The following RORA variants were observed in gnomAD, a reference collection of about 807,000 sequenced individuals.
RORA encodes nuclear receptor ROR-alpha.
Under a neutral mutation model 69.5 loss-of-function variants are expected in RORA, and 7 were observed. The ratio of observed to expected loss-of-function variants is 0.10; its 90% CI spans 0.06 to 0.19. The LOEUF (loss-of-function observed/expected upper bound fraction) is 0.19, where lower values mean the gene tolerates loss of function less well. Ranked by LOEUF, RORA falls within the 10% of genes least tolerant of loss-of-function variation. RORA has a pLI of 1.00. For missense variants in RORA, 457 were observed against 663.0 expected, an observed-to-expected ratio of 0.69 and a Z score of 3.41; for synonymous variants, 261 against 240.8, an observed-to-expected ratio of 1.08 and a Z score of -0.78.
chr15:61,037,713 A>G (rs758587671), intron 1 of RORA, among the ~76,000 whole-genome samples: 11 of 152,158 alleles, frequency 7.2e-5, no homozygotes, highest in Non-Finnish European at 1.6e-4. Context: ...CAAGAAAATC[A>G]CCCTGTCCTC....
At chr15:60,777,579 G>A (rs184576526) in intron 1 of RORA, among the ~76,000 whole-genome samples, 6 of 152,316 alleles carry the variant, frequency 3.9e-5, no homozygotes, top group Admixed American at 6.5e-5. Flanking sequence ...ATTTCTGCGA[G>A]AGAAATTAAG....
chr15:60,828,662 A>G (rs1243557675), intron 1 of RORA, among the ~76,000 whole-genome samples: 2 of 152,216 alleles, frequency 1.3e-5, no homozygotes, highest in Non-Finnish European at 2.9e-5. Context: ...CAGAAACCAT[A>G]CGGGATATTT....
At chr15:60,588,835 T>G (rs768408466) in intron 2 of RORA, among the ~76,000 whole-genome samples, 1 of 152,116 alleles carries the variant, frequency 6.6e-6, no homozygotes, top group Non-Finnish European at 1.5e-5. Context: ...GGCAAAAGGG[T>G]TTACTTGTGC....
At chr15:60,561,272 G>A (rs1004374816) in intron 2 of RORA, among the ~76,000 whole-genome samples, 19 of 151,388 alleles carry the variant, frequency 1.3e-4, no homozygotes, top group Admixed American at 6.6e-5. Context: ...TAGTAGAGAC[G>A]GGGTTTCACC....
chr15:60,576,760 A>G (rs1441429632), intron 2 of RORA, among the ~76,000 whole-genome samples: 1 of 152,186 alleles, frequency 6.6e-6, no homozygotes, highest in African/African-American at 2.4e-5. Flanking sequence ...CATCACTTGC[A>G]TGGTCGCAGG....
chr15:61,139,282 T>C (rs1351481850), intron 1 of RORA, among the ~76,000 whole-genome samples: 1 of 152,160 alleles, frequency 6.6e-6, no homozygotes, highest in East Asian at 1.9e-4. Flanking sequence ...AGAAATATTT[T>C]CCACAGAACA....
chr15:60,834,150 A>G (rs1010821773), intron 1 of RORA, among the ~76,000 whole-genome samples: 2 of 152,232 alleles, frequency 1.3e-5, no homozygotes, highest in Non-Finnish European at 2.9e-5. Flanking sequence ...ATAAAACTGC[A>G]TAGAAAAGTC....
At chr15:60,763,096 T>TTTTTTTTTTTTTTTTTTTTA (rs375632043) in intron 1 of RORA, among the ~76,000 whole-genome samples, 7 of 109,430 alleles carry the variant, frequency 6.4e-5, no homozygotes, top group East Asian at 5.2e-4. Context: ...TTTTTTTTTT[T>TTTTTTTTTTTTTTTTTTTTA]AACCAACCTA....
chr15:60,678,569 G>GC, intron 2 of RORA, 88 bp downstream of exon 2: 1 of 984,298 alleles, frequency 1.0e-6, no homozygotes, highest in Non-Finnish European at 1.6e-6. Flanking sequence ...TGAAACATTA[G>GC]TATATACTTG....
At chr15:61,029,789 G>A (rs1269818909) in intron 1 of RORA, among the ~76,000 whole-genome samples, 3 of 152,148 alleles carry the variant, frequency 2.0e-5, no homozygotes, top group Non-Finnish European at 4.4e-5. Flanking sequence ...ATGTCAGAGG[G>A]AGACAATGAG....
chr15:60,782,615 A>T (rs1455926183), intron 1 of RORA, among the ~76,000 whole-genome samples: 2 of 152,170 alleles, frequency 1.3e-5, no homozygotes, highest in Non-Finnish European at 2.9e-5. Context: ...TTATTCATGG[A>T]GACTCTTCCA....
chr15:60,549,680 T>C (rs2067174755), intron 2 of RORA, among the ~76,000 whole-genome samples: 1 of 152,212 alleles, frequency 6.6e-6, no homozygotes, highest in African/African-American at 2.4e-5. Context: ...ATGGTAATCT[T>C]TTTATTTCAT....
intron 1 of RORA, among the ~76,000 whole-genome samples, chr15:60,916,344 G>C (rs1056080521): frequency 2.0e-5 from 3 of 152,164 alleles, no homozygotes; most frequent in Admixed American, 6.5e-5. Context: ...TGGAAACAAG[G>C]GAAGAGACCC....
chr15:60,943,026 C>T (rs1335714168), intron 1 of RORA, among the ~76,000 whole-genome samples: 1 of 152,264 alleles, frequency 6.6e-6, no homozygotes, highest in African/African-American at 2.4e-5. Context: ...AGCATGAACT[C>T]TCCTTTGTAA....
chr15:60,967,729 A>G (rs1247230694), intron 1 of RORA, among the ~76,000 whole-genome samples: 3 of 152,230 alleles, frequency 2.0e-5, no homozygotes, highest in African/African-American at 7.2e-5. Context: ...TCATCAACGT[A>G]TTTATGTGAG....
At chr15:60,528,063 CTTTTTTT>C (rs775751717) in intron 3 of RORA, 2 of 151,232 alleles carry the variant, frequency 1.3e-5, no homozygotes, top group Admixed American at 6.6e-5. Flanking sequence ...CTTCTTTTTT[CTTTTTTT>C]TTGAGACAGG....
At position 60,624,515 on chromosome 15, in the gene RORA, A is replaced by G. The variant is rs1193816971; in HGVS notation, c.196+54142T>C. Among the ~76,000 whole-genome samples the G allele has an allele frequency of 4.5e-4, 41 of 91,134 alleles. 1 individual carries two copies. Among genetic ancestry groups the G allele is most frequent in the South Asian group, 6.5e-4 (2 of 3,096 alleles). 59.8% of individuals were successfully genotyped at this position (91,134 alleles called of 152,430 possible). A position where few individuals can be genotyped will look rare whatever the true frequency, so the allele number is the denominator to read the frequency against. ...ATATATATTTGCTGTATGTGTGTGT[A>G]TATATATATATAGTATATATATATT... On this transcript the variant is annotated intron_variant, in intron 2 of 10. Coordinates refer to ENST00000335670, the MANE Select transcript of RORA (RefSeq NM_134261.3).
chr15:60,901,529 A>G (rs1891392817), intron 1 of RORA, among the ~76,000 whole-genome samples: 1 of 152,268 alleles, frequency 6.6e-6, no homozygotes, highest in Non-Finnish European at 1.5e-5. Flanking sequence ...GCTGAAAGAA[A>G]TATCTAACAG....
In RORA at chr15:61,035,891, T is replaced by C. The variant is rs370102126; in HGVS notation, c.166+193162A>G. Among the ~76,000 whole-genome samples the C allele has an allele frequency of 2.9e-4, 44 of 152,144 alleles. 2 individuals are homozygous for C. In the South Asian group the frequency reaches 6.7e-3, roughly 23 times the overall value. On this transcript the variant is annotated intron_variant, in intron 1 of 10. Transcript: ENST00000335670. Reference sequence around the variant, plus strand: ...TTCATTAATTCTACAAATGATCTAATGGTGGGAAGCAGAAAATACACAAAT... The same window carrying C: ...TTCATTAATTCTACAAATGATCTAACGGTGGGAAGCAGAAAATACACAAAT...
Sources: allele counts gnomAD v4.1 joint callset (sites outside exome capture counted in the v4.1 genomes callset), GRCh38; gene constraint gnomAD v4.1.1; transcripts MANE v1.5; gene names NCBI Gene and HGNC (gene_info 2026-07-23, HGNC 2026-07-21).